Variants in CSMD2 observed in about 807,000 individuals in gnomAD.
The protein encoded by CSMD2 is CUB and sushi domain-containing protein 2.
Under a neutral mutation model 398.5 loss-of-function variants are expected in CSMD2, and 130 were observed. The observed-to-expected ratio is 0.33, with a 90% CI of 0.28 to 0.38. CSMD2 has a LOEUF of 0.38. Among genes scored for constraint, CSMD2 ranks in the 10% least tolerant of loss-of-function variants. The pLI is 1.00. For synonymous variants in CSMD2, 1,828 were observed against 1,908.5 expected, an observed-to-expected ratio of 0.96 and a Z score of 1.10; for missense variants, 3,829 against 4,764.9, an observed-to-expected ratio of 0.80 and a Z score of 5.78.
chr1:33,970,391 C>T (rs1282564657), intron 3 of CSMD2, among the ~76,000 whole-genome samples: 1 of 152,144 alleles, frequency 6.6e-6, no homozygotes, highest in Non-Finnish European at 1.5e-5. Context: ...CTAATCCCAC[C>T]CTCATTCCAG....
At chr1:34,098,360 G>A (rs78859770) in intron 1 of CSMD2, among the ~76,000 whole-genome samples, 39 of 139,214 alleles carry the variant, frequency 2.8e-4, no homozygotes, top group Admixed American at 7.3e-4. Context: ...ACATGTATAC[G>A]TATGTAACTA....
chr1:33,840,791 C>G (rs957697414), intron 6 of CSMD2, among the ~76,000 whole-genome samples: 2 of 152,140 alleles, frequency 1.3e-5, no homozygotes, highest in Non-Finnish European at 2.9e-5. Flanking sequence ...AACAAGCCTG[C>G]AATTTTTGCA....
At chr1:33,776,475 A>T (rs1403557761) in intron 12 of CSMD2, among the ~76,000 whole-genome samples, 1 of 152,178 alleles carries the variant, frequency 6.6e-6, no homozygotes, top group African/African-American at 2.4e-5. Flanking sequence ...AAGTCATGGG[A>T]AAACGACTTG....
chr1:33,894,174 AGGGTCACTTTTAGTGAGCT>A (rs1642227266), intron 5 of CSMD2, among the ~76,000 whole-genome samples: 1 of 152,160 alleles, frequency 6.6e-6, no homozygotes, highest in Admixed American at 6.5e-5. Context: ...GGTCCTTCCA[AGGGTCACTTTTAGTGAGCT>A]GGGTCTCACT....
At chr1:34,136,375 A>G (rs566993293) in intron 1 of CSMD2, among the ~76,000 whole-genome samples, 10 of 152,368 alleles carry the variant, frequency 6.6e-5, no homozygotes, top group Admixed American at 4.6e-4. Context: ...TTCCAAAAAA[A>G]GTGTGAACAA....
intron 37 of CSMD2, 82 bp downstream of exon 37, chr1:33,622,084 AG>A: frequency 1.0e-6 from 1 of 982,166 alleles, no homozygotes; most frequent in Non-Finnish European, 1.6e-6. Context: ...ATGCAGCTCC[AG>A]TTTAATCCTT....
At chr1:33,964,352 C>G (rs1055358744) in intron 3 of CSMD2, among the ~76,000 whole-genome samples, 32 of 152,202 alleles carry the variant, frequency 2.1e-4, no homozygotes, top group African/African-American at 7.2e-4. Context: ...AAATCAGCCC[C>G]TGGCACATGA....
intron 25 of CSMD2, among the ~76,000 whole-genome samples, chr1:33,686,575 G>T (rs1475233730): frequency 2.0e-5 from 3 of 152,220 alleles, no homozygotes; most frequent in African/African-American, 7.2e-5. Context: ...CCAAGGGTAA[G>T]CCTGACTGTA....
intron 6 of CSMD2, among the ~76,000 whole-genome samples, chr1:33,830,887 G>A (rs891123167): frequency 3.7e-4 from 56 of 152,324 alleles, no homozygotes; most frequent in African/African-American, 1.2e-3. Context: ...GAGCTGAAGT[G>A]ATCAACTGGA....
intron 7 of CSMD2, among the ~76,000 whole-genome samples, chr1:33,824,519 G>T (rs10798996): frequency 0.56 from 85,019 of 151,972 alleles, 23,815 homozygotes; most frequent in East Asian, 0.67. Context: ...TTCAGTCGGA[G>T]CCTGAGACCA....
At chr1:33,545,393 T>C (rs1391419271) in intron 57 of CSMD2, among the ~76,000 whole-genome samples, 2 of 152,202 alleles carry the variant, frequency 1.3e-5, no homozygotes, top group Non-Finnish European at 2.9e-5. Flanking sequence ...TTTTCTAAAA[T>C]TGGATTTGTA....
Position 34,089,186 on chromosome 1 carries a change from G to A in CSMD2, c.195C>T (p.Asn65=). Residue 65 remains asparagine (N), a synonymous_variant, in exon 2 of 71, where the codon AAC becomes AAT. Transcript: ENST00000373381. ...TGGGACCGTGCAGTTGGAACGTGCAGTTCTGGCCTGGGAAAGAGAAATGGA... is the reference window on the plus strand; with the variant it reads ...TGGGACCGTGCAGTTGGAACGTGCAATTCTGGCCTGGGAAAGAGAAATGGA... The part of the protein sequence containing the change: ...LLSVSAAAGQ[N]CTFQLHGPNG... 1 of 1,614,064 alleles carries A rather than the reference G, an allele frequency of 6.2e-7. No homozygotes were observed. The highest frequency in any genetic ancestry group is 8.5e-7 in the Non-Finnish European group (1 of 1,179,964).
At chr1:33,908,712 C>T (rs779199606) in intron 5 of CSMD2, among the ~76,000 whole-genome samples, 1 of 152,238 alleles carries the variant, frequency 6.6e-6, no homozygotes, top group Non-Finnish European at 1.5e-5. Context: ...GCAAGGAAGT[C>T]ACATTGATAC....
intron 25 of CSMD2, among the ~76,000 whole-genome samples, chr1:33,687,010 T>C (rs1235823833): frequency 6.6e-6 from 1 of 152,192 alleles, no homozygotes; most frequent in Non-Finnish European, 1.5e-5. Context: ...TCAATCTTCA[T>C]AGCAACCTTA....
chr1:33,880,030 A>C (rs1220393994), intron 5 of CSMD2, among the ~76,000 whole-genome samples: 1 of 152,184 alleles, frequency 6.6e-6, no homozygotes, highest in Non-Finnish European at 1.5e-5. Flanking sequence ...TTAAAATGAA[A>C]AACCTGAAGC....
At chr1:33,610,924 C>A (rs778307450) in intron 41 of CSMD2, 117 bp downstream of exon 41, 11 of 993,822 alleles carry the variant, frequency 1.1e-5, no homozygotes, top group Admixed American at 2.2e-5. Context: ...GGCCTGCCAC[C>A]GCAACCCACC....
At chr1:34,048,077 C>T (rs189777355) in intron 2 of CSMD2, among the ~76,000 whole-genome samples, 8 of 152,328 alleles carry the variant, frequency 5.3e-5, no homozygotes, top group East Asian at 3.9e-4. Flanking sequence ...TCCAGCACCA[C>T]GTGTCAGGAG....
Position 34,116,585 on chromosome 1 carries a change from T to C in CSMD2, c.188-27392A>G, listed in dbSNP as rs1301914199. Among the ~76,000 whole-genome samples, 3 of 152,002 alleles carry C rather than the reference T, an allele frequency of 2.0e-5. No homozygotes were observed. The East Asian group carries it at 5.8e-4, about 29-fold the overall frequency. On this transcript the variant is annotated intron_variant, in intron 1 of 70. Coordinates refer to ENST00000373381, the MANE Select transcript of CSMD2 (RefSeq NM_001281956.2). ...TACCCCACTTTCAATAATGGATAAT[T>C]AATCAAACAGAAAATCAGTAAGGAA...
intron 9 of CSMD2, among the ~76,000 whole-genome samples, chr1:33,815,659 C>A (rs1156491859): frequency 1.3e-5 from 2 of 152,294 alleles, no homozygotes; most frequent in East Asian, 3.9e-4. Flanking sequence ...AAGTTGGCTG[C>A]CCACTCTAAG....
Sources: gnomAD v4.1 joint callset for allele counts (sites outside exome capture counted in the v4.1 genomes callset) on GRCh38, gnomAD v4.1.1 for gene constraint, MANE v1.5 for transcripts, NCBI Gene and HGNC (gene_info 2026-07-23, HGNC 2026-07-21) for gene names.